Variants in CACNA1C observed in about 807,000 individuals in gnomAD.
The protein encoded by CACNA1C is calcium voltage-gated channel subunit alpha1 C, also known as voltage-dependent L-type calcium channel subunit alpha-1C.
In CACNA1C, 30 loss-of-function variants were observed where a neutral mutation model predicts 229.0. That is an observed-to-expected ratio of 0.13 (90% confidence interval 0.10 to 0.18). CACNA1C has a LOEUF of 0.18. Ranked by LOEUF, CACNA1C falls within the 10% of genes least tolerant of loss-of-function variation. The pLI is 1.00. For missense variants in CACNA1C, 1,658 were observed against 2,845.0 expected (o/e 0.58, Z 9.49); for synonymous variants, 1,114 against 1,132.5 (o/e 0.98, Z 0.33).
Position 2,644,030 on chromosome 12 carries a change from G to A in CACNA1C, c.3913-4445G>A, listed in dbSNP as rs992683914. Among the ~76,000 whole-genome samples, 5 of 152,224 alleles carry A rather than the reference G, an allele frequency of 3.3e-5. No homozygotes were observed. The East Asian group carries it at 5.8e-4, about 18-fold the overall frequency. On this transcript the variant is annotated intron_variant, in intron 30 of 46. Coordinates refer to ENST00000399655, the MANE Select transcript of CACNA1C (RefSeq NM_000719.7). Reference sequence around the variant, plus strand: ...TGGAGACCTTCAGGTGGCTTGGAATGAAATTTATATCAGATCCACCTCCCT... The same window carrying A: ...TGGAGACCTTCAGGTGGCTTGGAATAAAATTTATATCAGATCCACCTCCCT...
intron 1 of CACNA1C, among the ~76,000 whole-genome samples, chr12:2,035,610 G>C (rs2048996281): frequency 6.6e-6 from 1 of 152,252 alleles, no homozygotes; most frequent in Admixed American, 6.5e-5. Context: ...GGACTCATCT[G>C]AGTGCCACTA....
At chr12:2,569,953 C>T (rs980672917) in intron 13 of CACNA1C, among the ~76,000 whole-genome samples, 3 of 152,144 alleles carry the variant, frequency 2.0e-5, no homozygotes, top group Non-Finnish European at 2.9e-5. Context: ...TCACAAGCAT[C>T]GTTTTTAAAG....
At position 1,993,656 on chromosome 12, in the gene CACNA1C, G is replaced by GTA. The variant is rs71057814; in HGVS notation, c.139+22458_139+22459dup. Among the ~76,000 whole-genome samples the GTA allele has an allele frequency of 1.3e-5, 2 of 151,312 alleles. 1 individual carries two copies. The highest frequency in any genetic ancestry group is 1.3e-4 in the Admixed American group (2 of 15,182). On this transcript the variant is annotated intron_variant, in intron 1 of 46. Coordinates refer to the CACNA1C transcript ENST00000682462. ...TGTGTGTGTGTGTGTGTGTGTGTGT[G>GTA]TATACAGATGTTGTTTATTTCTTAA... is the stretch of plus-strand genomic sequence containing the variant.
chr12:2,552,253 A>G (rs1288845497), intron 10 of CACNA1C, among the ~76,000 whole-genome samples: 1 of 152,212 alleles, frequency 6.6e-6, no homozygotes, highest in East Asian at 1.9e-4. Context: ...CAGGGAGGAA[A>G]TTGACACCAT....
rs544201994 is a variant in CACNA1C at position 2,539,165 on chromosome 12, G to T, written c.1391-10778G>T. Among the ~76,000 whole-genome samples, 6 of 152,334 alleles carry T rather than the reference G, an allele frequency of 3.9e-5. 1 individual carries two copies. Among genetic ancestry groups the T allele is most frequent in the South Asian group, 2.1e-4 (1 of 4,826 alleles). ...GTGCCGTAGGGGTATGTCGGTCAGT[G>T]TCCCCATGGAAACAGTAGGTACTCT... On this transcript the variant is annotated intron_variant, in intron 9 of 46. Transcript: ENST00000399655.
intron 1 of CACNA1C, among the ~76,000 whole-genome samples, chr12:1,995,939 A>G (rs1293281828): frequency 6.6e-6 from 1 of 152,114 alleles, no homozygotes; most frequent in Non-Finnish European, 1.5e-5. Flanking sequence ...GTTCCAAATC[A>G]TTACTTCAAA....
chr12:2,274,712 T>C (rs2086900068), intron 3 of CACNA1C, among the ~76,000 whole-genome samples: 4 of 152,168 alleles, frequency 2.6e-5, no homozygotes, highest in Admixed American at 2.0e-4. Context: ...CCGTAATTAG[T>C]GAAGCTGGGA....
chr12:2,465,110 C>T (rs186791333), intron 5 of CACNA1C, among the ~76,000 whole-genome samples: 14 of 152,248 alleles, frequency 9.2e-5, no homozygotes, highest in East Asian at 5.8e-4. Context: ...AGTTAAGGCA[C>T]GCAAAGCACT....
rs1261429533 is a variant in CACNA1C, at chr12:2,029,907, T to C, written c.139+58706T>C. On this transcript the variant is annotated intron_variant, in intron 1 of 46. Transcript: ENST00000682462. This position sits in a 1 kb window ranked among gnomAD's most constrained non-coding sequence, Gnocchi z 4.9. ...TTGTGCCCAGGTGTTTGTGAGGGCA[T>C]GAAGAAGGAAGGGACTTCAAGGGCT... 6.6e-6 allele frequency among the ~76,000 whole-genome samples: 1 copy of C among 152,210 alleles called. No individual in the cohort carries two copies. The highest frequency in any genetic ancestry group is 1.5e-5 in the Non-Finnish European group (1 of 68,044).
chr12:2,469,832 A>G (rs762196417), intron 5 of CACNA1C, among the ~76,000 whole-genome samples: 10 of 152,220 alleles, frequency 6.6e-5, no homozygotes, highest in Non-Finnish European at 1.5e-4. Context: ...TGCCTTGATC[A>G]TATGTTTTCC....
intron 3 of CACNA1C, among the ~76,000 whole-genome samples, chr12:2,390,634 G>C (rs1268714300): frequency 6.6e-6 from 1 of 152,218 alleles, no homozygotes; most frequent in Non-Finnish European, 1.5e-5. Context: ...GAGAATCAGA[G>C]GAGGTGACAG....
In CACNA1C at chr12:2,101,566, G is replaced by A. The variant is rs537023289; in HGVS notation, c.50-13658G>A. 9.1e-4 allele frequency among the ~76,000 whole-genome samples: 139 copies of A among 152,280 alleles called. 3 individuals carry two copies. The South Asian group carries it at 0.029, about 31-fold the overall frequency. The stretch of plus-strand genomic sequence containing the variant: ...TGGGTCCGTGAGCTCCGAGCCTCAG[G>A]AGTAGGGGCAGCCTCTGCTGCAGGG... On this transcript the variant is annotated intron_variant, in intron 1 of 46. Transcript: ENST00000399655.
chr12:2,653,606 G>A lies in CACNA1C; in HGVS notation c.4075-229G>A, dbSNP rs1256599107. ...TGCCCAGGTAGTGTCGCACTATATC[G>A]TTACTCTGCGGCCTGCTTTGAAAAC... is the stretch of plus-strand genomic sequence containing the variant. On this transcript the variant is annotated intron_variant, in intron 32 of 46. Coordinates refer to ENST00000399655, the MANE Select transcript of CACNA1C (RefSeq NM_000719.7). The surrounding 1 kb of genome is among the most constrained non-coding windows in gnomAD (Gnocchi z 4.7). 1.3e-5 allele frequency among the ~76,000 whole-genome samples: 2 copies of A among 152,148 alleles called. No homozygotes were observed. Among genetic ancestry groups the A allele is most frequent in the African/African-American group, 2.4e-5 (1 of 41,416 alleles).
intron 3 of CACNA1C, among the ~76,000 whole-genome samples, chr12:2,183,818 C>T (rs539631736): frequency 5.3e-5 from 8 of 152,332 alleles, no homozygotes; most frequent in Non-Finnish European, 1.2e-4. Context: ...GAGGAAATAG[C>T]GGTATCTCAT....
rs550452846 is a variant in CACNA1C, at chr12:2,533,214, TC to T, written c.1391-16727del. Among the ~76,000 whole-genome samples, 638 of 152,284 alleles carry T rather than the reference TC, an allele frequency of 4.2e-3. 4 individuals carry two copies. The highest frequency in any genetic ancestry group is 0.024 in the Middle Eastern group (7 of 294). ...GCACTTTTGGTTTGGGGTCGGTTTC[TC>T]CTTCAATGTGCTTGGCTTAGAGCTG... is the stretch of plus-strand genomic sequence containing the variant. On this transcript the variant is annotated intron_variant, in intron 9 of 46. Transcript: ENST00000399655.
At chr12:2,543,241 C>G (rs1245520553) in intron 9 of CACNA1C, among the ~76,000 whole-genome samples, 3 of 152,138 alleles carry the variant, frequency 2.0e-5, no homozygotes, top group African/African-American at 7.2e-5. Flanking sequence ...CATATTGTGC[C>G]TTATAAAGGA....
intron 29 of CACNA1C, among the ~76,000 whole-genome samples, chr12:2,622,025 A>G (rs1464461974): frequency 6.6e-6 from 1 of 152,190 alleles, no homozygotes; most frequent in Non-Finnish European, 1.5e-5. Flanking sequence ...CAGAATCACA[A>G]GGAAACTGGG....
chr12:2,628,108 G>A lies in CACNA1C; in HGVS notation c.3829-6189G>A, dbSNP rs556131951. Among the ~76,000 whole-genome samples the A allele has an allele frequency of 2.8e-4, 42 of 152,322 alleles. 1 individual carries two copies. The highest frequency in any genetic ancestry group is 2.0e-3 in the Admixed American group (30 of 15,304). On this transcript the variant is annotated intron_variant, in intron 29 of 46. Coordinates refer to ENST00000399655, the MANE Select transcript of CACNA1C (RefSeq NM_000719.7). Reference sequence around the variant, plus strand: ...AAGGTGTGCGGACTTCGTCGTGGACGCCTTCTTGCCACCAGCCTGACTGAA... The same window carrying A: ...AAGGTGTGCGGACTTCGTCGTGGACACCTTCTTGCCACCAGCCTGACTGAA...
intron 7 of CACNA1C, among the ~76,000 whole-genome samples, chr12:2,500,146 G>T (rs552340835): frequency 2.0e-5 from 3 of 152,070 alleles, no homozygotes; most frequent in Non-Finnish European, 1.5e-5. Flanking sequence ...TCCTGCCCTC[G>T]CCTGCTGTTC....
Sources: gnomAD v4.1 joint callset for allele counts (sites outside exome capture counted in the v4.1 genomes callset) on GRCh38, gnomAD v4.1.1 for gene constraint, Gnocchi (gnomAD v3.1) non-coding constraint, MANE v1.5 for transcripts, NCBI Gene and HGNC (gene_info 2026-07-23, HGNC 2026-07-21) for gene names.